KTN1: variants seen among roughly 807,000 people sequenced by gnomAD.
The protein encoded by KTN1 is kinectin 1, also known as kinectin.
Under a neutral mutation model 222.5 loss-of-function variants are expected in KTN1, and 130 were observed. The observed-to-expected ratio is 0.58, with a 90% CI of 0.51 to 0.68. The LOEUF is 0.68. Among genes scored for constraint, KTN1 ranks in the 30% least tolerant of loss-of-function variants. The pLI is 0.00. For synonymous variants in KTN1, 512 were observed against 496.3 expected (o/e 1.03, Z -0.42); for missense variants, 1,508 against 1,500.4 (o/e 1.01, Z -0.08).
intron 43 of KTN1, chr14:55,680,369 G>GTTTTT: frequency 6.8e-6 from 1 of 148,022 alleles, no homozygotes; most frequent in Non-Finnish European, 1.4e-5. Flanking sequence ...TGGTTGTAGG[G>GTTTTT]TTTTTTTTTT....
intron 1 of KTN1, among the ~76,000 whole-genome samples, chr14:55,589,676 T>TTTC (rs1466375287): frequency 7.0e-6 from 1 of 143,678 alleles, no homozygotes; most frequent in Non-Finnish European, 1.5e-5. Context: ...TTTTTTTTTT[T>TTTC]GAGATGGAGT....
chr14:55,668,753 A>G (rs2141289406), intron 34 of KTN1: 1 of 152,256 alleles, frequency 6.6e-6, no homozygotes, highest in East Asian at 1.9e-4. Context: ...TCCTGCCCCA[A>G]ACATAGAATC....
At chr14:55,618,931 G>T (rs564740619) in intron 4 of KTN1, among the ~76,000 whole-genome samples, 3 of 151,964 alleles carry the variant, frequency 2.0e-5, no homozygotes, top group Admixed American at 1.3e-4. Flanking sequence ...TAAAGTGAGG[G>T]TATATTGGCA....
intron 31 of KTN1, among the ~76,000 whole-genome samples, chr14:55,659,971 C>T (rs891605671): frequency 1.3e-5 from 2 of 152,168 alleles, no homozygotes; most frequent in Non-Finnish European, 2.9e-5. Flanking sequence ...TTAAACTATA[C>T]TTTGCAGGGT....
chr14:55,675,914 A>C lies in KTN1; in HGVS notation c.3851A>C (p.His1284Pro). Residue 1284 changes from histidine (H) to proline (P), a missense_variant, in exon 41 of 44, where the codon CAT (histidine) becomes CCT (proline). Coordinates refer to ENST00000395314, the MANE Select transcript of KTN1 (RefSeq NM_001079521.2). Reference sequence around the variant, plus strand: ...AGACAGAAGGTAGCTGGTGATTTGCATAAGGTAGGCACTGTTCGTCCTAGA... The same window carrying C: ...AGACAGAAGGTAGCTGGTGATTTGCCTAAGGTAGGCACTGTTCGTCCTAGA... ...NERQKVAGDLHKAQQSLELIQ... is the reference protein window; with the variant it reads ...NERQKVAGDLPKAQQSLELIQ... 6.2e-7 allele frequency: 1 copy of C among 1,610,580 alleles called. No individual in the cohort carries two copies.
At chr14:55,654,884 C>T (rs554106326) in intron 28 of KTN1, among the ~76,000 whole-genome samples, 166 of 152,274 alleles carry the variant, frequency 1.1e-3, no homozygotes, top group Non-Finnish European at 1.9e-3. Flanking sequence ...GGCAGCACCC[C>T]CCGGCAACCA....
In KTN1 at chr14:55,637,113, A is replaced by G. The variant is rs2041218745; in HGVS notation, c.1550-85A>G. The G allele has an allele frequency of 8.4e-6, 8 of 950,836 alleles. No homozygotes were observed. In the East Asian group the frequency reaches 1.3e-4, roughly 16 times the overall value. 58.9% of individuals were successfully genotyped at this position (950,836 alleles called of 1,614,324 possible). ...AGGAGAGATTCAAAGAAGGTTTTCT[A>G]GAGGAGAGAATGCCTACACGAAAGA... On this transcript the variant is annotated intron_variant, in intron 10 of 43. Coordinates refer to ENST00000395314, the MANE Select transcript of KTN1 (RefSeq NM_001079521.2).
intron 18 of KTN1, among the ~76,000 whole-genome samples, chr14:55,643,324 A>G (rs999067508): frequency 1.3e-5 from 2 of 152,120 alleles, no homozygotes; most frequent in Non-Finnish European, 2.9e-5. Flanking sequence ...ATAAGAATGT[A>G]TCTTGTAGTC....
intron 1 of KTN1, among the ~76,000 whole-genome samples, chr14:55,590,877 T>G (rs776566260): frequency 2.0e-5 from 3 of 152,160 alleles, no homozygotes; most frequent in Non-Finnish European, 4.4e-5. Flanking sequence ...GGTTTCACCA[T>G]GTTGGCAAGG....
At chr14:55,624,010 G>T (rs552589326) in intron 5 of KTN1, among the ~76,000 whole-genome samples, 4 of 152,228 alleles carry the variant, frequency 2.6e-5, no homozygotes, top group African/African-American at 9.6e-5. Flanking sequence ...GAAGAAGTTG[G>T]AAACTATTAA....
chr14:55,640,906 A>G (rs1420535067), intron 15 of KTN1, 27 bp from the exon 16 acceptor site: 13 of 1,604,202 alleles, frequency 8.1e-6, no homozygotes, highest in Non-Finnish European at 1.0e-5. Context: ...GTGAAGTGAT[A>G]TCATTTTCTT....
In KTN1 at chr14:55,618,021, C is replaced by G; in HGVS notation, c.719C>G (p.Ala240Gly). The G allele has an allele frequency of 6.2e-7, 1 of 1,612,114 alleles. No individual in the cohort carries two copies. Among genetic ancestry groups the G allele is most frequent in the Non-Finnish European group, 8.5e-7 (1 of 1,178,572 alleles). Residue 240 changes from alanine (A) to glycine (G), a missense_variant, in exon 4 of 44, where the codon GCT (alanine) becomes GGT (glycine). Physicochemically the swap from Ala to Gly is moderately conservative, Grantham distance 60. Transcript: ENST00000395314. Reference protein sequence around the residue: ...ATTYIPLMDNADSSPVVDKRE... With the variant: ...ATTYIPLMDNGDSSPVVDKRE... ...ACTTATATTCCTTTGATGGATAATG[C>G]TGACTCAAGTCCTGTGGTAGATAAG...
At chr14:55,619,881 C>T (rs1357743230) in intron 5 of KTN1, among the ~76,000 whole-genome samples, 1 of 152,160 alleles carries the variant, frequency 6.6e-6, no homozygotes, top group African/African-American at 2.4e-5. Flanking sequence ...ATCATGCCCT[C>T]CTACTGGTCC....
At chr14:55,598,445 A>G (rs2140436817) in intron 1 of KTN1, among the ~76,000 whole-genome samples, 1 of 152,218 alleles carries the variant, frequency 6.6e-6, no homozygotes, top group East Asian at 1.9e-4. Flanking sequence ...AAAAAAAAAA[A>G]AAAAAAGAAT....
At chr14:55,664,532 C>CCTA (rs2044492969) in intron 33 of KTN1, among the ~76,000 whole-genome samples, 1 of 152,070 alleles carries the variant, frequency 6.6e-6, no homozygotes, top group Admixed American at 6.5e-5. Flanking sequence ...GGAATGGTTC[C>CCTA]TTAGAGGTGG....
Position 55,618,852 on chromosome 14 carries a change from T to A in KTN1, c.833-330T>A, listed in dbSNP as rs7149071. Among the ~76,000 whole-genome samples the A allele has an allele frequency of 8.3e-3, 1,258 of 152,358 alleles. 17 individuals carry two copies. The highest frequency in any genetic ancestry group is 0.028 in the African/African-American group (1,179 of 41,588). The stretch of plus-strand genomic sequence containing the variant: ...GTCAGTGTGCAAGGATTATTAAAGT[T>A]CATTGAGATTATTGTGAATATAATA... On this transcript the variant is annotated intron_variant, in intron 4 of 43. Coordinates refer to ENST00000395314, the MANE Select transcript of KTN1 (RefSeq NM_001079521.2).
At chr14:55,672,057 A>T (rs2045501452) in intron 37 of KTN1, 180 bp downstream of exon 37, 2 of 543,668 alleles carry the variant, frequency 3.7e-6, no homozygotes, top group East Asian at 6.1e-5. Context: ...ATGCCCACCC[A>T]AGTTTGAAAA....
chr14:55,650,529 G>A, intron 23 of KTN1, 40 bp from the exon 24 acceptor site: 2 of 1,551,668 alleles, frequency 1.3e-6, no homozygotes, highest in Non-Finnish European at 1.8e-6. Context: ...CAATTTCTGT[G>A]TTTCCATTGT....
chr14:55,672,475 T>C (rs146600797), intron 37 of KTN1, 155 bp from the exon 38 acceptor site: 2 of 547,822 alleles, frequency 3.7e-6, no homozygotes, highest in Non-Finnish European at 6.5e-6. Context: ...AAGTTCAATG[T>C]GACTCATTTT....
Sources: allele counts gnomAD v4.1 joint callset (sites outside exome capture counted in the v4.1 genomes callset), GRCh38; gene constraint gnomAD v4.1.1; transcripts MANE v1.5; gene names NCBI Gene and HGNC (gene_info 2026-07-23, HGNC 2026-07-21).